Variants in TULP4 observed in about 807,000 individuals in gnomAD.
TULP4 encodes the protein tubby-related protein 4.
Under a neutral mutation model 129.0 loss-of-function variants are expected in TULP4, and 16 were observed. The observed-to-expected ratio is 0.12, with a 90% CI of 0.08 to 0.19. The LOEUF (loss-of-function observed/expected upper bound fraction) is 0.19, where lower values mean the gene tolerates loss of function less well. Ranked by LOEUF, TULP4 falls within the 10% of genes least tolerant of loss-of-function variation. TULP4 has a pLI of 1.00. For synonymous variants in TULP4, 998 were observed against 854.0 expected, an observed-to-expected ratio of 1.17 and a Z score of -2.94; for missense variants, 1,842 against 2,059.1, an observed-to-expected ratio of 0.89 and a Z score of 2.04.
chr6:158,489,028 C>T (rs559776933), intron 8 of TULP4, among the ~76,000 whole-genome samples: 48 of 152,294 alleles, frequency 3.2e-4, no homozygotes, highest in Admixed American at 9.8e-4. Context: ...CTTTGCTCCA[C>T]GCAGGCAAGC....
intron 12 of TULP4, among the ~76,000 whole-genome samples, chr6:158,499,136 G>A (rs1271877631): frequency 6.6e-6 from 1 of 152,190 alleles, no homozygotes; most frequent in South Asian, 2.1e-4. Context: ...AGATAAGTTT[G>A]CAGGACTGAT....
chr6:158,337,817 A>C (rs1780083340), intron 1 of TULP4, among the ~76,000 whole-genome samples: 1 of 151,944 alleles, frequency 6.6e-6, no homozygotes, highest in Non-Finnish European at 1.5e-5. Flanking sequence ...GCAGTTAAGC[A>C]CTTTTGGGAC....
intron 2 of TULP4, among the ~76,000 whole-genome samples, chr6:158,425,513 CAAA>C (rs35469800): frequency 0.34 from 20,812 of 60,726 alleles, 1,713 homozygotes; most frequent in Non-Finnish European, 0.42. Context: ...AACTCCGTCT[CAAA>C]AAAAAAAAAA....
At chr6:158,325,588 G>A (rs867664134) in intron 1 of TULP4, among the ~76,000 whole-genome samples, 43 of 151,960 alleles carry the variant, frequency 2.8e-4, no homozygotes, top group Middle Eastern at 6.3e-3. Flanking sequence ...TCCTGACCTC[G>A]TGATCCGCCC....
intron 5 of TULP4, among the ~76,000 whole-genome samples, chr6:158,453,988 T>C (rs1166582947): frequency 2.0e-5 from 3 of 148,782 alleles, no homozygotes; most frequent in African/African-American, 7.6e-5. Context: ...TACTTAACTG[T>C]TGGTTGGCAA....
intron 1 of TULP4, among the ~76,000 whole-genome samples, chr6:158,410,483 G>A (rs1434811975): frequency 6.6e-6 from 1 of 152,162 alleles, no homozygotes; most frequent in Non-Finnish European, 1.5e-5. Context: ...ATTTAAATAA[G>A]GAAATAATTT....
chr6:158,377,594 C>T (rs567071612), intron 1 of TULP4, among the ~76,000 whole-genome samples: 7 of 152,320 alleles, frequency 4.6e-5, no homozygotes, highest in African/African-American at 1.4e-4. Context: ...TTGTGCTAGA[C>T]ACTATGCTGA....
intron 6 of TULP4, among the ~76,000 whole-genome samples, chr6:158,468,282 G>A (rs1282006917): frequency 2.0e-5 from 3 of 152,116 alleles, no homozygotes; most frequent in Admixed American, 6.6e-5. Context: ...GGTAAACTAC[G>A]CTGCCTTTCT....
At chr6:158,470,838 A>G (rs1779664502) in intron 6 of TULP4, among the ~76,000 whole-genome samples, 1 of 152,220 alleles carries the variant, frequency 6.6e-6, no homozygotes, top group Non-Finnish European at 1.5e-5. Flanking sequence ...CTGGAGATAC[A>G]GCTGTGACAG....
intron 1 of TULP4, among the ~76,000 whole-genome samples, chr6:158,264,588 G>GGGCT (rs1263760432): frequency 6.6e-6 from 1 of 152,068 alleles, no homozygotes; most frequent in Admixed American, 6.5e-5. Flanking sequence ...TGCACCTGGA[G>GGGCT]GGCTGCCTGG....
chr6:158,486,164 T>C (rs1054860835), intron 8 of TULP4, among the ~76,000 whole-genome samples: 3 of 152,170 alleles, frequency 2.0e-5, no homozygotes, highest in Non-Finnish European at 4.4e-5. Context: ...AAAATTCATA[T>C]TGGGAAGTCC....
At chr6:158,265,321 C>G (rs998862402) in intron 1 of TULP4, among the ~76,000 whole-genome samples, 3 of 152,144 alleles carry the variant, frequency 2.0e-5, no homozygotes, top group Middle Eastern at 3.4e-3. Context: ...GACAACTTTA[C>G]TTACTTGCTT....
intron 1 of TULP4, among the ~76,000 whole-genome samples, chr6:158,360,928 G>A (rs920274933): frequency 5.9e-5 from 9 of 152,144 alleles, no homozygotes; most frequent in African/African-American, 1.9e-4. Flanking sequence ...TGATATAGTT[G>A]AACTTAGGTC....
chr6:158,286,220 A>ATAAC (rs1778833830), intron 1 of TULP4, among the ~76,000 whole-genome samples: 1 of 152,258 alleles, frequency 6.6e-6, no homozygotes, highest in African/African-American at 2.4e-5. Flanking sequence ...GTGCTAGTTA[A>ATAAC]GCTTTAAGAA....
At chr6:158,368,998 T>C (rs1777009199) in intron 1 of TULP4, among the ~76,000 whole-genome samples, 1 of 152,226 alleles carries the variant, frequency 6.6e-6, no homozygotes, top group Non-Finnish European at 1.5e-5. Flanking sequence ...TATTTTATTT[T>C]ATAGTGCCAC....
intron 5 of TULP4, among the ~76,000 whole-genome samples, chr6:158,457,905 G>A (rs145241084): frequency 1.3e-4 from 19 of 145,372 alleles, no homozygotes; most frequent in Non-Finnish European, 2.5e-4. Flanking sequence ...AGTCCTTGCA[G>A]TGAAACATAC....
chr6:158,378,362 A>C (rs1475217207), intron 1 of TULP4, among the ~76,000 whole-genome samples: 4 of 151,952 alleles, frequency 2.6e-5, no homozygotes, highest in Non-Finnish European at 5.9e-5. Flanking sequence ...ATGTATACCA[A>C]GCATATTAAG....
At chr6:158,480,096 G>A (rs1489445990) in intron 7 of TULP4, 121 bp downstream of exon 7, 3 of 753,620 alleles carry the variant, frequency 4.0e-6, no homozygotes, top group African/African-American at 3.5e-5. Flanking sequence ...AGCTGTGCAG[G>A]ATCCTGTCAT....
chr6:158,247,488 T>C (rs765320469), intron 1 of TULP4, among the ~76,000 whole-genome samples: 11 of 152,378 alleles, frequency 7.2e-5, no homozygotes, highest in Non-Finnish European at 1.3e-4. Context: ...TTAAATGTTA[T>C]AGAGTGTTGT....
Sources: allele counts gnomAD v4.1 joint callset (sites outside exome capture counted in the v4.1 genomes callset), GRCh38; gene constraint gnomAD v4.1.1; transcripts MANE v1.5; gene names NCBI Gene and HGNC (gene_info 2026-07-23, HGNC 2026-07-21).